The following TASP1 variants were observed in gnomAD, a reference collection of about 807,000 sequenced individuals.
The protein encoded by TASP1 is taspase 1.
A neutral mutation model predicts 56.6 loss-of-function variants in TASP1; 16 were observed. That is an observed-to-expected ratio of 0.28 (90% CI 0.19 to 0.43). The LOEUF is 0.43. TASP1 is among the 20% of genes least tolerant of loss of function. The pLI is 1.00. For missense variants in TASP1, 393 were observed against 511.6 expected (o/e 0.77, Z 2.24); for synonymous variants, 179 against 184.2 (o/e 0.97, Z 0.23).
the TASP1 span, among the ~76,000 whole-genome samples, chr20:13,253,796 G>A: frequency 2.6e-5 from 4 of 151,802 alleles, no homozygotes; most frequent in African/African-American, 7.3e-5. Context: ...GAAACAATGG[G>A]CTAGTTCAGA....
At chr20:13,393,050 C>T (rs2041353696) in intron 13 of TASP1, 12 of 591,254 alleles carry the variant, frequency 2.0e-5, no homozygotes, top group South Asian at 1.8e-4. Context: ...GCTGCCTCTG[C>T]TGAGGCCCCC....
At chr20:13,571,703 T>C (rs900281016) in intron 6 of TASP1, among the ~76,000 whole-genome samples, 1 of 152,230 alleles carries the variant, frequency 6.6e-6, no homozygotes, top group African/African-American at 2.4e-5. Context: ...TTCAAAATCC[T>C]GTAAAACCTC....
the TASP1 span, among the ~76,000 whole-genome samples, chr20:13,308,661 A>G: frequency 1.3e-5 from 2 of 152,194 alleles, no homozygotes; most frequent in Admixed American, 6.5e-5. Context: ...GGCTATTCGT[A>G]TTGTCAAAAA....
chr20:13,415,334 C>T (rs2042218594), intron 13 of TASP1, among the ~76,000 whole-genome samples: 1 of 151,842 alleles, frequency 6.6e-6, no homozygotes, highest in South Asian at 2.1e-4. Context: ...ATAACTTTGT[C>T]TTACTTGCAA....
chr20:13,404,130 C>T (rs368981992), intron 13 of TASP1, among the ~76,000 whole-genome samples: 5 of 152,296 alleles, frequency 3.3e-5, no homozygotes, highest in African/African-American at 1.2e-4. Flanking sequence ...TGATTTCTAT[C>T]ACCATAGCTT....
chr20:13,115,067 G>C, the TASP1 span, among the ~76,000 whole-genome samples: 15 of 152,112 alleles, frequency 9.9e-5, no homozygotes, highest in Non-Finnish European at 1.5e-4. Flanking sequence ...GAAGTCAAAA[G>C]AAAAACACAA....
At chr20:13,347,677 A>G in the TASP1 span, among the ~76,000 whole-genome samples, 1 of 152,122 alleles carries the variant, frequency 6.6e-6, no homozygotes, top group Non-Finnish European at 1.5e-5. Flanking sequence ...CGTCTCTACT[A>G]AAAATACAAA....
the TASP1 span, among the ~76,000 whole-genome samples, chr20:13,125,562 G>A: frequency 6.6e-6 from 1 of 152,156 alleles, no homozygotes; most frequent in Non-Finnish European, 1.5e-5. Context: ...TGTGGGCTGG[G>A]CTCAGCTAAG....
chr20:13,563,135 T>C (rs2046406105), intron 7 of TASP1, among the ~76,000 whole-genome samples: 1 of 151,114 alleles, frequency 6.6e-6, no homozygotes, highest in African/African-American at 2.4e-5. Context: ...TACACACACA[T>C]ATAAATAAGA....
At chr20:13,284,860 A>G in the TASP1 span, among the ~76,000 whole-genome samples, 3 of 152,384 alleles carry the variant, frequency 2.0e-5, no homozygotes, top group African/African-American at 7.2e-5. Flanking sequence ...AGCATTTAAA[A>G]TAAAGATGTG....
the TASP1 span, among the ~76,000 whole-genome samples, chr20:13,277,937 T>C: frequency 6.6e-6 from 1 of 152,084 alleles, no homozygotes; most frequent in Non-Finnish European, 1.5e-5. Context: ...AACCTCCCCA[T>C]TCGTAACACA....
the TASP1 span, among the ~76,000 whole-genome samples, chr20:13,273,180 A>C: frequency 1.5e-5 from 2 of 136,798 alleles, no homozygotes; most frequent in African/African-American, 5.5e-5. Context: ...TCTGTCTGAA[A>C]ATTCCCATTC....
At chr20:13,484,717 C>G (rs1222555192) in intron 10 of TASP1, among the ~76,000 whole-genome samples, 31 of 62,570 alleles carry the variant, frequency 5.0e-4, no homozygotes, top group African/African-American at 1.9e-3. Flanking sequence ...GCCTGGGGGA[C>G]AAGAACAAGA....
intron 6 of TASP1, among the ~76,000 whole-genome samples, chr20:13,574,512 C>T (rs765395565): frequency 2.6e-5 from 4 of 152,042 alleles, no homozygotes; most frequent in Non-Finnish European, 5.9e-5. Context: ...GAAAACAATC[C>T]ATAAATAACA....
At chr20:13,597,938 A>T (rs1188894280) in intron 4 of TASP1, among the ~76,000 whole-genome samples, 1 of 152,192 alleles carries the variant, frequency 6.6e-6, no homozygotes, top group Non-Finnish European at 1.5e-5. Flanking sequence ...CACGGTTGCT[A>T]CAAAGAGAAT....
intron 4 of TASP1, among the ~76,000 whole-genome samples, chr20:13,619,963 C>T (rs749686457): frequency 5.3e-5 from 8 of 152,122 alleles, no homozygotes; most frequent in Admixed American, 1.3e-4. Flanking sequence ...ATATCATTTG[C>T]ATTTCCACAC....
chr20:13,550,530 G>T (rs1379723896), intron 8 of TASP1, among the ~76,000 whole-genome samples: 1 of 151,552 alleles, frequency 6.6e-6, no homozygotes, highest in Non-Finnish European at 1.5e-5. Flanking sequence ...ATGAGTTTTC[G>T]GTTTTATTTT....
chr20:13,355,783 G>A, the TASP1 span, among the ~76,000 whole-genome samples: 2 of 152,188 alleles, frequency 1.3e-5, no homozygotes, highest in African/African-American at 4.8e-5. Flanking sequence ...GATGGTGGGG[G>A]AATGACAACT....
chr20:13,511,602 T>TTTA (rs975169823), intron 10 of TASP1, among the ~76,000 whole-genome samples: 1 of 152,068 alleles, frequency 6.6e-6, no homozygotes, highest in African/African-American at 2.4e-5. Context: ...TCCGGGTTTT[T>TTTA]TTATTATTAT....
Sources: allele counts gnomAD v4.1 joint callset (sites outside exome capture counted in the v4.1 genomes callset), GRCh38; gene constraint gnomAD v4.1.1; transcripts MANE v1.5; gene names NCBI Gene and HGNC (gene_info 2026-07-23, HGNC 2026-07-21).